Variants in CD44 observed in about 807,000 individuals in gnomAD.
The protein encoded by CD44 is CD44 molecule (IN blood group).
Under a neutral mutation model 88.8 loss-of-function variants are expected in CD44, and 49 were observed. The observed-to-expected ratio is 0.55, with a 90% CI of 0.44 to 0.70. CD44 has a LOEUF of 0.70. Among genes scored for constraint, CD44 ranks in the 30% least tolerant of loss-of-function variants. CD44 has a pLI of 0.00. For synonymous variants in CD44, 325 were observed against 312.3 expected (o/e 1.04, Z -0.43); for missense variants, 883 against 913.8 (o/e 0.97, Z 0.43).
At chr11:35,221,777 T>G in intron 17 of CD44, 45 bp downstream of exon 17, 2 of 1,514,494 alleles carry the variant, frequency 1.3e-6, no homozygotes, top group Non-Finnish European at 1.8e-6. Context: ...AGGGCATCAT[T>G]TAAACCTGGG....
intron 1 of CD44, among the ~76,000 whole-genome samples, chr11:35,156,859 C>T (rs1265094968): frequency 6.6e-6 from 1 of 152,188 alleles, no homozygotes; most frequent in African/African-American, 2.4e-5. Flanking sequence ...TAGTGAGACC[C>T]TGTCTCTACA....
Position 35,208,166 on chromosome 11 carries a change from G to A in CD44, c.1476G>A (p.Val492=). The change falls in exon 12 of 18, where the codon GTG becomes GTA. Residue 492 remains valine, a synonymous_variant. Coordinates refer to ENST00000428726, the MANE Select transcript of CD44 (RefSeq NM_000610.4). ...CTGCAAATCCAAACACAGGTTTGGTGGAAGATTTGGACAGGACAGGACCTC... is the reference window on the plus strand; with the variant it reads ...CTGCAAATCCAAACACAGGTTTGGTAGAAGATTTGGACAGGACAGGACCTC... ...QPTANPNTGL[V]EDLDRTGPLS... The A allele has an allele frequency of 2.5e-6, 4 of 1,613,184 alleles. No homozygotes were observed. Among genetic ancestry groups the A allele is most frequent in the Non-Finnish European group, 3.4e-6 (4 of 1,179,192 alleles).
intron 7 of CD44, among the ~76,000 whole-genome samples, 173 bp from the exon 8 acceptor site, chr11:35,200,909 C>T (rs1277741126): frequency 1.3e-5 from 2 of 152,184 alleles, no homozygotes; most frequent in Non-Finnish European, 2.9e-5. Context: ...ACCAATATGG[C>T]TGAATTAAGC....
At chr11:35,173,695 C>A (rs1944155226) in intron 1 of CD44, among the ~76,000 whole-genome samples, 1 of 152,136 alleles carries the variant, frequency 6.6e-6, no homozygotes, top group Non-Finnish European at 1.5e-5. Flanking sequence ...AGTTTTCTTA[C>A]CTCATTTTGC....
intron 14 of CD44, among the ~76,000 whole-genome samples, chr11:35,213,217 T>C (rs758493220): frequency 4.6e-5 from 7 of 152,216 alleles, no homozygotes; most frequent in Non-Finnish European, 1.0e-4. Flanking sequence ...TTTACAAGAC[T>C]GATATTCACA....
At chr11:35,176,522 T>C in intron 1 of CD44, 53 bp from the exon 2 acceptor site, 1 of 1,542,752 alleles carries the variant, frequency 6.5e-7, no homozygotes, top group Non-Finnish European at 8.8e-7. Flanking sequence ...AACTTATTAC[T>C]GTCTCCAAAT....
At chr11:35,221,825 C>T (rs1259818084) in intron 17 of CD44, 93 bp downstream of exon 17, 15 of 1,141,250 alleles carry the variant, frequency 1.3e-5, no homozygotes, top group South Asian at 3.7e-5. Context: ...GTCCCTGGAA[C>T]CAGCAGCCTG....
intron 5 of CD44, among the ~76,000 whole-genome samples, chr11:35,191,817 C>G (rs570579561): frequency 2.6e-5 from 4 of 152,322 alleles, no homozygotes; most frequent in Non-Finnish European, 5.9e-5. Context: ...ACTGTATCTT[C>G]CCTTCCTAAG....
chr11:35,142,659 TC>T (rs1858229091), intron 1 of CD44, among the ~76,000 whole-genome samples: 1 of 152,294 alleles, frequency 6.6e-6, no homozygotes, highest in African/African-American at 2.4e-5. Context: ...ATTCAGGTAT[TC>T]CCCATTTACA....
chr11:35,155,457 T>C (rs1215489183), intron 1 of CD44, among the ~76,000 whole-genome samples: 5 of 152,176 alleles, frequency 3.3e-5, no homozygotes. Flanking sequence ...CTCAACCTTT[T>C]TCTGAAAAGA....
chr11:35,201,913 T>G, intron 9 of CD44, 126 bp downstream of exon 9: 1 of 1,033,312 alleles, frequency 9.7e-7, no homozygotes, highest in Non-Finnish European at 1.4e-6. Flanking sequence ...CTTTTATTCT[T>G]AGAGCCTGAA....
rs754617690 is a variant in CD44 at position 35,196,803 on chromosome 11, G to A, written c.725G>A (p.Trp242Ter). 1.2e-6 allele frequency: 2 copies of A among 1,613,656 alleles called. No homozygotes were observed. The highest frequency in any genetic ancestry group is 1.1e-5 in the South Asian group (1 of 91,050). Reference sequence around the variant, plus strand: ...ACAGCAACCAAGAGGCAAGAAACCTGGGATTGGTTTTCATGGTTGTTTCTA... The same window carrying A: ...ACAGCAACCAAGAGGCAAGAAACCTAGGATTGGTTTTCATGGTTGTTTCTA... ...TETATKRQETWDWFSWLFLPS... is the reference protein window; with the variant it reads ...TETATKRQET The change falls in exon 6 of 18, where the codon TGG becomes TAG. Residue 242 changes from tryptophan to a stop codon, truncating the protein, a stop_gained. Coordinates refer to ENST00000428726, the MANE Select transcript of CD44 (RefSeq NM_000610.4). LOFTEE classifies it high-confidence loss of function.
chr11:35,139,655 G>T, intron 1 of CD44: 1 of 699,194 alleles, frequency 1.4e-6, no homozygotes, highest in Non-Finnish European at 2.7e-6. Context: ...TGCAGCACAT[G>T]GCAGAAAGTA....
rs750301142 is a variant in CD44, at chr11:35,201,063, T to A, written c.923-19T>A. ...AAGAAATAACATTTTTCTAATTGCT[T>A]CAATCATCGTTATCACAGTTTCAAC... On this transcript the variant is annotated intron_variant, in intron 7 of 17. Transcript: ENST00000428726. 10 of 1,557,648 alleles carry A rather than the reference T, an allele frequency of 6.4e-6. No homozygotes were observed. The South Asian group carries it at 1.1e-4, about 17-fold the overall frequency.
At chr11:35,190,340 T>TTC (rs1946146324) in intron 5 of CD44, 1 of 512,344 alleles carries the variant, frequency 2.0e-6, no homozygotes, top group Admixed American at 3.3e-5. Context: ...GCCCTCCTTA[T>TTC]TCTCTTATCC....
chr11:35,227,361 T>A (rs1234843405), intron 17 of CD44, among the ~76,000 whole-genome samples: 1 of 152,196 alleles, frequency 6.6e-6, no homozygotes, highest in African/African-American at 2.4e-5. Context: ...TATCTTTGTA[T>A]TTTGAATACA....
At chr11:35,198,059 C>T in intron 6 of CD44, 62 bp from the exon 7 acceptor site, 1 of 1,573,164 alleles carries the variant, frequency 6.4e-7, no homozygotes, top group African/African-American at 1.4e-5. Context: ...GCCTGATTTT[C>T]TTCCTTTGCA....
At chr11:35,181,934 A>ATATAATATATAG (rs1491126504) in intron 3 of CD44, among the ~76,000 whole-genome samples, 2 of 66,050 alleles carry the variant, frequency 3.0e-5, no homozygotes, top group African/African-American at 1.1e-4. Flanking sequence ...TATTATATAT[A>ATATAATATATAG]AATTATATAT....
At chr11:35,158,944 C>T (rs558359318) in intron 1 of CD44, among the ~76,000 whole-genome samples, 4 of 152,330 alleles carry the variant, frequency 2.6e-5, no homozygotes, top group African/African-American at 9.6e-5. Flanking sequence ...CAGCCTCTTC[C>T]TGCCTTCTGT....
Sources: gnomAD v4.1 joint callset for allele counts (sites outside exome capture counted in the v4.1 genomes callset) on GRCh38, gnomAD v4.1.1 for gene constraint, MANE v1.5 for transcripts, NCBI Gene and HGNC (gene_info 2026-07-23, HGNC 2026-07-21) for gene names.